The following ZBTB20 variants were observed in gnomAD, a reference collection of about 807,000 sequenced individuals.
ZBTB20 encodes zinc finger and BTB domain-containing protein 20.
Under a neutral mutation model 56.9 loss-of-function variants are expected in ZBTB20, and 9 were observed. That is an observed-to-expected ratio of 0.16 (90% CI 0.10 to 0.28). The LOEUF is 0.28. Among genes scored for constraint, ZBTB20 ranks in the 10% least tolerant of loss-of-function variants. The probability of loss-of-function intolerance (pLI) is 1.00; values close to 1 mark genes in which losing one functional copy is unlikely to be tolerated. For missense variants in ZBTB20, 655 were observed against 1,003.0 expected (o/e 0.65, Z 4.69); for synonymous variants, 417 against 420.7 (o/e 0.99, Z 0.11).
chr3:114,555,703 T>C (rs1014252940), intron 6 of ZBTB20, among the ~76,000 whole-genome samples: 3 of 152,146 alleles, frequency 2.0e-5, no homozygotes, highest in African/African-American at 7.2e-5. Context: ...TAATGCTCCA[T>C]AGAGGCCTTA....
chr3:114,573,285 C>A (rs1483653979), intron 6 of ZBTB20, among the ~76,000 whole-genome samples: 2 of 151,840 alleles, frequency 1.3e-5, no homozygotes, highest in Non-Finnish European at 2.9e-5. Context: ...CATGGTGAAA[C>A]CCTGTCTCTA....
chr3:114,376,125 G>A (rs984840531), intron 10 of ZBTB20, among the ~76,000 whole-genome samples: 3 of 152,190 alleles, frequency 2.0e-5, no homozygotes, highest in Admixed American at 6.5e-5. Context: ...CTGTCCGTGT[G>A]CACATGTAGA....
intron 5 of ZBTB20, among the ~76,000 whole-genome samples, chr3:114,708,066 T>C (rs1241486328): frequency 6.6e-6 from 1 of 152,216 alleles, no homozygotes; most frequent in Admixed American, 6.5e-5. Flanking sequence ...GTTTTTTCTT[T>C]CTTTTTGTTA....
intron 3 of ZBTB20, among the ~76,000 whole-genome samples, chr3:114,952,601 A>AG (rs2077107579): frequency 6.6e-6 from 1 of 152,018 alleles, no homozygotes; most frequent in South Asian, 2.1e-4. Flanking sequence ...ACAGAAAAAA[A>AG]AAAAATCAAT....
At chr3:114,923,057 G>C (rs941023729) in intron 3 of ZBTB20, among the ~76,000 whole-genome samples, 2 of 152,118 alleles carry the variant, frequency 1.3e-5, no homozygotes, top group African/African-American at 4.8e-5. Flanking sequence ...AAAACTCTTA[G>C]ACACTGATGA....
At chr3:114,612,447 T>C (rs961298963) in intron 6 of ZBTB20, among the ~76,000 whole-genome samples, 1 of 152,168 alleles carries the variant, frequency 6.6e-6, no homozygotes, top group Non-Finnish European at 1.5e-5. Flanking sequence ...AAGTTTAGCA[T>C]CATACTTATT....
rs148013090 is a variant in ZBTB20, at chr3:114,993,991, T to C, written c.-506-19575A>G. Among the ~76,000 whole-genome samples, 80 of 151,920 alleles carry C rather than the reference T, an allele frequency of 5.3e-4. 1 individual carries two copies. The highest frequency in any genetic ancestry group is 1.6e-3 in the African/African-American group (68 of 41,504). ...TTCTTTAAGAAGAGGTGTAATATAT[T>C]AGGCTAAACCATATTATTTTTTCAG... On this transcript the variant is annotated intron_variant, in intron 2 of 11. Coordinates refer to ENST00000675478, the MANE Select transcript of ZBTB20 (RefSeq NM_001348800.3).
At chr3:114,576,433 C>T (rs554772564) in intron 6 of ZBTB20, among the ~76,000 whole-genome samples, 5 of 131,768 alleles carry the variant, frequency 3.8e-5, no homozygotes, top group South Asian at 2.5e-4. Flanking sequence ...ACCCGGGAGG[C>T]GGAGCTTGCA....
intron 1 of ZBTB20, among the ~76,000 whole-genome samples, chr3:115,075,974 T>A (rs1407820608): frequency 6.6e-6 from 1 of 152,122 alleles, no homozygotes; most frequent in African/African-American, 2.4e-5. Context: ...TGCATTTCTA[T>A]ATATTAACAA....
chr3:114,586,191 A>G (rs1307348280), intron 6 of ZBTB20, among the ~76,000 whole-genome samples: 2 of 152,312 alleles, frequency 1.3e-5, no homozygotes, highest in Admixed American at 6.5e-5. Flanking sequence ...CTAAGCAATT[A>G]TTTGTTCCTG....
At chr3:115,043,985 G>C (rs2081247779) in intron 2 of ZBTB20, among the ~76,000 whole-genome samples, 1 of 152,054 alleles carries the variant, frequency 6.6e-6, no homozygotes, top group Non-Finnish European at 1.5e-5. Flanking sequence ...AATGCATGTG[G>C]CACCTCCTCA....
chr3:115,043,778 T>A (rs888779289), intron 2 of ZBTB20, among the ~76,000 whole-genome samples: 2 of 152,102 alleles, frequency 1.3e-5, no homozygotes, highest in Non-Finnish European at 2.9e-5. Flanking sequence ...GCCCTTATTT[T>A]CAGAATTTAT....
At position 114,768,004 on chromosome 3, in the gene ZBTB20, T is replaced by C. The variant is rs145268486; in HGVS notation, c.-343+33097A>G. On this transcript the variant is annotated intron_variant, in intron 5 of 11. Coordinates refer to ENST00000675478, the MANE Select transcript of ZBTB20 (RefSeq NM_001348800.3). ...AAATATAAAGTATATTTGCATACAT[T>C]TTCAAAGGGCTTATATAAACTCTGA... 2.9e-4 allele frequency among the ~76,000 whole-genome samples: 44 copies of C among 152,248 alleles called. No individual in the cohort carries two copies. The East Asian group carries it at 7.1e-3, about 25-fold the overall frequency.
At position 114,459,556 on chromosome 3, in the gene ZBTB20, A is replaced by G. The variant is rs1031460714; in HGVS notation, c.-255+40796T>C. Among the ~76,000 whole-genome samples, 4 of 152,274 alleles carry G rather than the reference A, an allele frequency of 2.6e-5. No individual in the cohort carries two copies. In the East Asian group the frequency reaches 7.7e-4, roughly 29 times the overall value. ...ACCTTGTATATTTAATGTATTGTCC[A>G]GCATCACACCTGCCATGGTGGTAGA... On this transcript the variant is annotated intron_variant, in intron 7 of 11. Coordinates refer to ENST00000675478, the MANE Select transcript of ZBTB20 (RefSeq NM_001348800.3).
At position 114,380,811 on chromosome 3, in the gene ZBTB20, A is replaced by G. The variant is rs762968328; in HGVS notation, c.-24T>C. ...ATTTGTCAGGAAGCTTAGAGACAGG[A>G]CTCGTGGAGTAATGGGAGGAGCACT... On this transcript the variant is annotated 5_prime_UTR_variant, in exon 9 of 12. Transcript: ENST00000675478. The G allele has an allele frequency of 8.6e-6, 13 of 1,504,452 alleles. No homozygotes were observed. The highest frequency in any genetic ancestry group is 2.3e-5 in the Admixed American group (1 of 43,870). The allele number at this position is 1,504,452 out of a possible 1,614,324, so 93.2% of individuals were successfully genotyped here. A position where few individuals can be genotyped will look rare whatever the true frequency, so the allele number is the denominator to read the frequency against.
intron 11 of ZBTB20, among the ~76,000 whole-genome samples, chr3:114,343,850 C>T (rs1006021828): frequency 2.0e-5 from 3 of 152,026 alleles, no homozygotes; most frequent in Non-Finnish European, 4.4e-5. Context: ...GAGGCCGAGA[C>T]CGGCCTGACC....
chr3:114,523,200 A>T (rs759326351), intron 6 of ZBTB20, among the ~76,000 whole-genome samples: 1 of 152,304 alleles, frequency 6.6e-6, no homozygotes, highest in African/African-American at 2.4e-5. Context: ...GGCCATGTAA[A>T]ACAATTCTGA....
At chr3:114,945,445 A>G (rs1274832408) in intron 3 of ZBTB20, among the ~76,000 whole-genome samples, 1 of 145,428 alleles carries the variant, frequency 6.9e-6, no homozygotes, top group Non-Finnish European at 1.5e-5. Context: ...GACAATGATA[A>G]GACAAAAAAT....
chr3:114,808,302 G>A (rs1044516891), intron 4 of ZBTB20, among the ~76,000 whole-genome samples: 1 of 151,902 alleles, frequency 6.6e-6, no homozygotes, highest in Non-Finnish European at 1.5e-5. Context: ...CCAATGATCA[G>A]TCACAGGTTG....
Sources: gnomAD v4.1 joint callset for allele counts (sites outside exome capture counted in the v4.1 genomes callset) on GRCh38, gnomAD v4.1.1 for gene constraint, MANE v1.5 for transcripts, NCBI Gene and HGNC (gene_info 2026-07-23, HGNC 2026-07-21) for gene names.